STARD13: variants seen among roughly 807,000 people sequenced by gnomAD.
STARD13 encodes the protein StAR related lipid transfer domain containing 13.
A neutral mutation model predicts 106.4 loss-of-function variants in STARD13; 62 were observed. The observed-to-expected ratio is 0.58, with a 90% CI of 0.48 to 0.72. The LOEUF (loss-of-function observed/expected upper bound fraction) is 0.72, where lower values mean the gene tolerates loss of function less well. Ranked by LOEUF, STARD13 falls within the 30% of genes least tolerant of loss-of-function variation. The probability of loss-of-function intolerance (pLI) is 0.00; values close to 1 mark genes in which losing one functional copy is unlikely to be tolerated. For synonymous variants in STARD13, 565 were observed against 553.0 expected (o/e 1.02, Z -0.31); for missense variants, 1,387 against 1,424.0 (o/e 0.97, Z 0.42).
the STARD13 span, among the ~76,000 whole-genome samples, chr13:33,528,257 CAT>C: frequency 2.4e-4 from 22 of 92,872 alleles, no homozygotes; most frequent in East Asian, 3.9e-3. Context: ...TATATATATA[CAT>C]ATATATATAT....
At chr13:33,105,828 G>C (rs916097415) in intron 13 of STARD13, 118 bp from the exon 14 acceptor site, 29 of 817,600 alleles carry the variant, frequency 3.5e-5, no homozygotes, top group Non-Finnish European at 5.7e-5. Flanking sequence ...CAGACAGCTC[G>C]GGCTGCTGCC....
the STARD13 span, among the ~76,000 whole-genome samples, chr13:33,436,612 C>T: frequency 6.6e-6 from 1 of 152,136 alleles, no homozygotes; most frequent in Non-Finnish European, 1.5e-5. Context: ...GCATAATAGG[C>T]ATAAACTGGG....
intron 1 of STARD13, among the ~76,000 whole-genome samples, chr13:33,334,228 A>AT (rs1399930113): frequency 6.6e-6 from 1 of 152,212 alleles, no homozygotes; most frequent in Non-Finnish European, 1.5e-5. Context: ...CAATTAGGTT[A>AT]TTTTACTATG....
chr13:33,352,951 C>T (rs897948151), upstream of STARD13, among the ~76,000 whole-genome samples: 1 of 152,194 alleles, frequency 6.6e-6, no homozygotes, highest in African/African-American at 2.4e-5. Context: ...ACTCAGGTAA[C>T]CCCCTAGCCC....
At chr13:33,454,055 CT>C in the STARD13 span, among the ~76,000 whole-genome samples, 3 of 152,186 alleles carry the variant, frequency 2.0e-5, no homozygotes, top group Non-Finnish European at 4.4e-5. Context: ...ACTCAAAGGG[CT>C]TTCTACTTGT....
chr13:33,322,775 C>A (rs1276177051), intron 1 of STARD13, among the ~76,000 whole-genome samples: 2 of 152,254 alleles, frequency 1.3e-5, no homozygotes, highest in East Asian at 1.9e-4. Flanking sequence ...AAACCTAAGT[C>A]GATATTTGCT....
intron 1 of STARD13, among the ~76,000 whole-genome samples, chr13:33,262,573 A>G (rs1038619735): frequency 1.3e-5 from 2 of 151,734 alleles, no homozygotes; most frequent in African/African-American, 4.8e-5. Context: ...CAAAATTACA[A>G]GTAATTAGCT....
At chr13:33,201,548 T>G (rs1887042728) in intron 1 of STARD13, among the ~76,000 whole-genome samples, 1 of 152,214 alleles carries the variant, frequency 6.6e-6, no homozygotes, top group Non-Finnish European at 1.5e-5. Context: ...AGACTCAAAT[T>G]TTCTTTTTAC....
At chr13:33,239,288 C>T (rs2138240493) in intron 1 of STARD13, among the ~76,000 whole-genome samples, 1 of 152,236 alleles carries the variant, frequency 6.6e-6, no homozygotes, top group East Asian at 1.9e-4. Flanking sequence ...CATCAATGGA[C>T]ATTTAGGTTG....
At chr13:33,448,620 A>C in the STARD13 span, among the ~76,000 whole-genome samples, 1 of 152,162 alleles carries the variant, frequency 6.6e-6, no homozygotes, top group Non-Finnish European at 1.5e-5. Context: ...ATATATACCC[A>C]GTAGTGGGAT....
At chr13:33,499,761 CTTTTTTTTTT>C in the STARD13 span, among the ~76,000 whole-genome samples, 4 of 94,578 alleles carry the variant, frequency 4.2e-5, no homozygotes, top group African/African-American at 1.9e-4. Flanking sequence ...CTTCTTCTTT[CTTTTTTTTTT>C]TTTTTTTTTT....
intron 1 of STARD13, among the ~76,000 whole-genome samples, chr13:33,291,325 GT>G (rs1566121637): frequency 6.6e-6 from 1 of 152,112 alleles, no homozygotes; most frequent in East Asian, 1.9e-4. Context: ...GTAGTCTCAC[GT>G]TTTTTTCCAT....
intron 1 of STARD13, among the ~76,000 whole-genome samples, chr13:33,217,810 T>A (rs1380954093): frequency 6.6e-6 from 1 of 152,122 alleles, no homozygotes; most frequent in Non-Finnish European, 1.5e-5. Flanking sequence ...AACTATAAGC[T>A]CAGAGTCTCT....
chr13:33,473,759 C>G, the STARD13 span, among the ~76,000 whole-genome samples: 1 of 152,192 alleles, frequency 6.6e-6, no homozygotes, highest in East Asian at 1.9e-4. Context: ...ACTGCCAGCC[C>G]TAACCATGTT....
the STARD13 span, among the ~76,000 whole-genome samples, chr13:33,565,850 A>G: frequency 6.7e-6 from 1 of 148,646 alleles, no homozygotes; most frequent in Non-Finnish European, 1.5e-5. Context: ...CAAGGTTGAA[A>G]TCAATGTCAC....
the STARD13 span, among the ~76,000 whole-genome samples, chr13:33,626,953 T>C: frequency 4.6e-5 from 7 of 152,358 alleles, no homozygotes; most frequent in African/African-American, 1.7e-4. Flanking sequence ...CCATCAGGAC[T>C]AAAGAATCCA....
At position 33,159,650 on chromosome 13, in the gene STARD13, T is replaced by G. The variant is rs1593999295; in HGVS notation, c.323+5687A>C. On this transcript the variant is annotated intron_variant, in intron 3 of 13. Transcript: ENST00000336934. ...CTACAAAGCTACTAGAACTCATGAG[T>G]GAGTTTTAGAAAGATTGCAGGATAC... 2.0e-5 allele frequency among the ~76,000 whole-genome samples: 3 copies of G among 152,304 alleles called. No individual in the cohort carries two copies. The South Asian group carries it at 6.2e-4, about 32-fold the overall frequency.
At chr13:33,283,473 GT>G (rs1404306274) in intron 1 of STARD13, among the ~76,000 whole-genome samples, 1 of 152,172 alleles carries the variant, frequency 6.6e-6, no homozygotes, top group Non-Finnish European at 1.5e-5. Flanking sequence ...TGCTGTAACT[GT>G]TTAATCCACA....
At chr13:33,564,993 A>G in the STARD13 span, among the ~76,000 whole-genome samples, 1 of 146,102 alleles carries the variant, frequency 6.8e-6, no homozygotes, top group Middle Eastern at 3.3e-3. Flanking sequence ...TGTCTCAAAA[A>G]AAAAAAAAAA....
Sources: allele counts gnomAD v4.1 joint callset (sites outside exome capture counted in the v4.1 genomes callset), GRCh38; gene constraint gnomAD v4.1.1; transcripts MANE v1.5; gene names NCBI Gene and HGNC (gene_info 2026-07-23, HGNC 2026-07-21).